CDH22: variants seen among roughly 807,000 people sequenced by gnomAD.
The protein encoded by CDH22 is cadherin 22, also known as cadherin-22.
In CDH22, 30 loss-of-function variants were observed where a neutral mutation model predicts 58.4. The observed-to-expected ratio is 0.51, with a 90% CI of 0.38 to 0.70. CDH22 has a LOEUF of 0.70. Among genes scored for constraint, CDH22 ranks in the 30% least tolerant of loss-of-function variants. The pLI, the probability that CDH22 is intolerant of heterozygous loss-of-function variation, is 0.00. For synonymous variants in CDH22, 513 were observed against 558.2 expected (o/e 0.92, Z 1.14); for missense variants, 1,014 against 1,233.9 (o/e 0.82, Z 2.67).
At chr20:46,219,806 TA>T (rs1195065377) in intron 4 of CDH22, 2 of 152,252 alleles carry the variant, frequency 1.3e-5, no homozygotes, top group Non-Finnish European at 2.9e-5. Context: ...ACCTGTTTTA[TA>T]GATGAGGAGA....
chr20:46,250,732 G>C (rs2086365578), intron 2 of CDH22, among the ~76,000 whole-genome samples: 1 of 152,216 alleles, frequency 6.6e-6, no homozygotes, highest in African/African-American at 2.4e-5. Flanking sequence ...AGCAGCTAGA[G>C]TATGTGTGTG....
At chr20:46,177,716 C>T (rs143478494) in intron 11 of CDH22, among the ~76,000 whole-genome samples, 1,583 of 152,286 alleles carry the variant, frequency 0.01, 64 homozygotes, top group Admixed American at 0.082. Context: ...TTGGGCTACA[C>T]GTGAATGGGG....
At chr20:46,240,466 G>A (rs890159903) in intron 3 of CDH22, among the ~76,000 whole-genome samples, 9 of 152,088 alleles carry the variant, frequency 5.9e-5, no homozygotes, top group African/African-American at 2.2e-4. Flanking sequence ...GTTGCCAAGG[G>A]CTGCGCTGTG....
rs997374087 is a variant in CDH22 at position 46,216,501 on chromosome 20, A to T, written c.838+325T>A. On this transcript the variant is annotated intron_variant, in intron 5 of 11. Coordinates refer to ENST00000537909, the MANE Select transcript of CDH22 (RefSeq NM_021248.3). This position sits in a 1 kb window ranked among gnomAD's most constrained non-coding sequence, Gnocchi z 5.3. The stretch of plus-strand genomic sequence containing the variant: ...GTGGCTAGGGGAGTGGGCAGGGGCC[A>T]GTGAGGGGTTGGAGGATGGACGGAA... Among the ~76,000 whole-genome samples, 7 of 152,102 alleles carry T rather than the reference A, an allele frequency of 4.6e-5. No individual in the cohort carries two copies. The highest frequency in any genetic ancestry group is 1.0e-4 in the Non-Finnish European group (7 of 67,992).
At position 46,300,801 on chromosome 20, in the gene CDH22, G is replaced by A. The variant is rs139591346; in HGVS notation, c.-400+7454C>T. 2.2e-4 allele frequency among the ~76,000 whole-genome samples: 33 copies of A among 152,346 alleles called. No individual in the cohort carries two copies. The East Asian group carries it at 6.4e-3, about 29-fold the overall frequency. ...TGCCAAAAACGTCCCAGTGGTCCCT[G>A]AAGAAATCATCGGACAAGAGCGTGA... On this transcript the variant is annotated intron_variant, in intron 1 of 11. Transcript: ENST00000537909. This position sits in a 1 kb window ranked among gnomAD's most constrained non-coding sequence, Gnocchi z 4.4.
intron 1 of CDH22, among the ~76,000 whole-genome samples, chr20:46,263,602 A>G (rs1028257232): frequency 1.3e-4 from 20 of 152,154 alleles, no homozygotes; most frequent in African/African-American, 4.6e-4. Context: ...CAAGTTAGGG[A>G]ACAGTTCCCT....
At chr20:46,222,982 G>A (rs1481708588) in intron 4 of CDH22, among the ~76,000 whole-genome samples, 1 of 152,252 alleles carries the variant, frequency 6.6e-6, no homozygotes, top group Non-Finnish European at 1.5e-5. Context: ...AACTAGAGCT[G>A]GGGCTGGGAA....
rs1293106855 is a variant in CDH22, at chr20:46,300,211, C to A, written c.-400+8044G>T. ...TCCTAGAAGACGCAGGCCTTGGCAA[C>A]CTCCTGGCCTGGGGGGTGGGCTGCC... On this transcript the variant is annotated intron_variant, in intron 1 of 11. Transcript: ENST00000537909. This position sits in a 1 kb window ranked among gnomAD's most constrained non-coding sequence, Gnocchi z 4.4. 2.0e-5 allele frequency among the ~76,000 whole-genome samples: 3 copies of A among 152,136 alleles called. No individual in the cohort carries two copies. The highest frequency in any genetic ancestry group is 6.5e-5 in the Admixed American group (1 of 15,278).
chr20:46,219,146 T>C (rs2086106974), intron 4 of CDH22, among the ~76,000 whole-genome samples: 1 of 152,132 alleles, frequency 6.6e-6, no homozygotes, highest in African/African-American at 2.4e-5. Context: ...GGTCCTGCTT[T>C]CGTGGGATCA....
intron 7 of CDH22, among the ~76,000 whole-genome samples, chr20:46,208,180 C>T (rs1459539270): frequency 6.6e-6 from 1 of 152,168 alleles, no homozygotes; most frequent in Non-Finnish European, 1.5e-5. Flanking sequence ...CCAGTGCCTC[C>T]TTCCCATCCC....
intron 11 of CDH22, among the ~76,000 whole-genome samples, chr20:46,175,640 C>T (rs943280459): frequency 9.9e-5 from 15 of 152,228 alleles, no homozygotes; most frequent in Non-Finnish European, 8.8e-5. Flanking sequence ...CAAGATTCCC[C>T]AGGACGGGGC....
At chr20:46,223,666 C>CTTTCTTTCT (rs2086144059) in intron 4 of CDH22, among the ~76,000 whole-genome samples, 13 of 115,628 alleles carry the variant, frequency 1.1e-4, no homozygotes, top group East Asian at 5.0e-4. Context: ...TTTTTCTTTC[C>CTTTCTTTCT]TTCTTTCTTT....
At chr20:46,197,753 C>T (rs1308559305) in intron 8 of CDH22, among the ~76,000 whole-genome samples, 2 of 152,228 alleles carry the variant, frequency 1.3e-5, no homozygotes, top group African/African-American at 4.8e-5. Flanking sequence ...TCCAGAGCAG[C>T]AGTCACTGAG....
intron 1 of CDH22, among the ~76,000 whole-genome samples, chr20:46,271,117 G>A (rs1405275598): frequency 6.6e-6 from 1 of 152,218 alleles, no homozygotes; most frequent in Non-Finnish European, 1.5e-5. Flanking sequence ...GCTGTTTGTG[G>A]AGGCTGTACC....
intron 1 of CDH22, among the ~76,000 whole-genome samples, chr20:46,273,305 T>A (rs985061120): frequency 4.6e-5 from 7 of 152,172 alleles, no homozygotes; most frequent in Non-Finnish European, 1.0e-4. Context: ...ACCTAATAAT[T>A]CCTGGTAATT....
At chr20:46,238,630 C>A (rs1200220569) in intron 3 of CDH22, among the ~76,000 whole-genome samples, 1 of 152,208 alleles carries the variant, frequency 6.6e-6, no homozygotes, top group African/African-American at 2.4e-5. Flanking sequence ...TTTAATTGCT[C>A]AGGTTACAAT....
Position 46,210,374 on chromosome 20 carries a change from C to A in CDH22, c.1219G>T (p.Ala407Ser). 6.7e-7 allele frequency: 1 copy of A among 1,482,856 alleles called. No individual in the cohort carries two copies. The highest frequency in any genetic ancestry group is 2.4e-5 in the Admixed American group (1 of 41,500). The allele number at this position is 1,482,856 out of a possible 1,614,324, so 91.9% of individuals were successfully genotyped here. A position where few individuals can be genotyped will look rare whatever the true frequency, so the allele number is the denominator to read the frequency against. The change falls in exon 7 of 12, where the codon GCG (alanine) becomes TCG (serine). Residue 407 changes from alanine to serine, a missense_variant. Physicochemically the swap from Ala to Ser is moderately conservative, Grantham distance 99 (BLOSUM62 1). This residue lies in a region of CDH22 where 806 missense variants were observed against 1,038.7 expected (regional missense o/e 0.78). Transcript: ENST00000537909. The surrounding 1 kb of genome is among the most constrained non-coding windows in gnomAD (Gnocchi z 4.5). ...ACGCCGACCAGGGAGCCCACCTGCG[C>A]GTCCTCCTGCACCTCCAGGAGGCCG... ...PSGLLEVQED[A>S]QVGSLVGVVT...
chr20:46,183,874 C>T (rs1279196097), intron 10 of CDH22, among the ~76,000 whole-genome samples: 3 of 152,166 alleles, frequency 2.0e-5, no homozygotes, highest in African/African-American at 7.2e-5. Context: ...ACCACATCTC[C>T]TCCCAGTCCT....
chr20:46,209,432 C>T (rs1488266223), intron 7 of CDH22, among the ~76,000 whole-genome samples: 1 of 152,050 alleles, frequency 6.6e-6, no homozygotes, highest in East Asian at 1.9e-4. Context: ...AGGGCTTGGG[C>T]TTTTATTCTG....
Sources: gnomAD v4.1 joint callset for allele counts (sites outside exome capture counted in the v4.1 genomes callset) on GRCh38, gnomAD v4.1.1 for gene constraint, gnomAD v4.1.1 regional missense constraint, Gnocchi (gnomAD v3.1) non-coding constraint, MANE v1.5 for transcripts, NCBI Gene and HGNC (gene_info 2026-07-23, HGNC 2026-07-21) for gene names.